The following CSMD1 variants were observed in gnomAD, a reference collection of about 807,000 sequenced individuals.
CSMD1 encodes the protein CUB and sushi domain-containing protein 1.
CSMD1 carries 213 observed loss-of-function variants against 417.5 expected under a neutral mutation model. That is an observed-to-expected ratio of 0.51 (90% CI 0.46 to 0.57). CSMD1 has a LOEUF of 0.57. Ranked by LOEUF, CSMD1 falls within the 20% of genes least tolerant of loss-of-function variation. The probability of loss-of-function intolerance (pLI) is 0.00; values close to 1 mark genes in which losing one functional copy is unlikely to be tolerated. For missense variants in CSMD1, 6,923 were observed against 4,529.7 expected, an observed-to-expected ratio of 1.53 and a Z score of -15.17; for synonymous variants, 2,862 against 1,736.8, an observed-to-expected ratio of 1.65 and a Z score of -16.11.
chr8:3,864,099 T>G (rs551407655), intron 5 of CSMD1, among the ~76,000 whole-genome samples: 2 of 152,246 alleles, frequency 1.3e-5, no homozygotes, highest in Admixed American at 6.5e-5. Context: ...TATTTTCACC[T>G]GATTTTTAAA....
chr8:3,315,456 G>A (rs62504446), intron 23 of CSMD1, among the ~76,000 whole-genome samples: 1 of 143,306 alleles, frequency 7.0e-6, no homozygotes, highest in East Asian at 1.9e-4. Flanking sequence ...GTGTGTGTGT[G>A]TGTGTGATTT....
At position 3,508,349 on chromosome 8, in the gene CSMD1, G is replaced by A. The variant is rs1205837602; in HGVS notation, c.1345-14623C>T. ...AGGAAGGGGAACATCACACACGGGG[G>A]CCTGTTATGGGGCAGGGGGAGGGGG... On this transcript the variant is annotated intron_variant, in intron 10 of 69. Transcript: ENST00000635120. Among the ~76,000 whole-genome samples, 12 of 149,288 alleles carry A rather than the reference G, an allele frequency of 8.0e-5. No homozygotes were observed. In the Middle Eastern group the frequency reaches 0.01, roughly 128 times the overall value.
At position 4,719,633 on chromosome 8, in the gene CSMD1, C is replaced by T. The variant is rs1467116398; in HGVS notation, c.86-82075G>A. Among the ~76,000 whole-genome samples the T allele has an allele frequency of 4.0e-5, 6 of 151,856 alleles. No individual in the cohort carries two copies. In the East Asian group the frequency reaches 1.2e-3, roughly 29 times the overall value. Reference sequence around the variant, plus strand: ...GTCAATAAAAACTTGAATCCTTTTCCTATTTTGTTCAAAAGCTAAATTTCC... The same window carrying T: ...GTCAATAAAAACTTGAATCCTTTTCTTATTTTGTTCAAAAGCTAAATTTCC... On this transcript the variant is annotated intron_variant, in intron 1 of 69. Coordinates refer to ENST00000635120, the MANE Select transcript of CSMD1 (RefSeq NM_033225.6).
At chr8:3,239,316 G>C (rs777347711) in intron 26 of CSMD1, among the ~76,000 whole-genome samples, 1 of 152,138 alleles carries the variant, frequency 6.6e-6, no homozygotes, top group African/African-American at 2.4e-5. Context: ...GAGGTGGGAA[G>C]GCCAAACCGA....
chr8:4,146,281 C>T (rs950872970), intron 3 of CSMD1, among the ~76,000 whole-genome samples: 15 of 150,972 alleles, frequency 9.9e-5, no homozygotes, highest in Admixed American at 4.6e-4. Context: ...TCGCGTAGTG[C>T]AGTCGGCACA....
chr8:3,971,667 G>T (rs1036259873), intron 5 of CSMD1, among the ~76,000 whole-genome samples: 10 of 152,104 alleles, frequency 6.6e-5, no homozygotes, highest in Non-Finnish European at 1.5e-4. Flanking sequence ...TGTGGAACAT[G>T]GGGGTACTCA....
At chr8:3,358,109 A>T (rs1808916652) in intron 21 of CSMD1, among the ~76,000 whole-genome samples, 1 of 152,178 alleles carries the variant, frequency 6.6e-6, no homozygotes, top group Non-Finnish European at 1.5e-5. Flanking sequence ...TAAACAAGTT[A>T]TGCTAAGTGA....
chr8:3,776,805 G>GATATATATATATATATATAT lies in CSMD1; in HGVS notation c.819-22764_819-22763insATATATATATATATATATAT, dbSNP rs1411200186. Among the ~76,000 whole-genome samples, 954 of 96,534 alleles carry GATATATATATATATATATAT rather than the reference G, an allele frequency of 9.9e-3. 27 individuals are homozygous for GATATATATATATATATATAT. The highest frequency in any genetic ancestry group is 0.045 in the African/African-American group (895 of 20,096). The allele number at this position is 96,534 out of a possible 152,430, so 63.3% of individuals were successfully genotyped here. On this transcript the variant is annotated intron_variant, in intron 5 of 69. Transcript: ENST00000635120. The stretch of plus-strand genomic sequence containing the variant: ...CAGTGATAGATAGTGACATATAGAC[G>GATATATATATATATATATAT]AGATATATATATATATATACAGATG...
intron 6 of CSMD1, among the ~76,000 whole-genome samples, chr8:3,740,565 G>C (rs530735235): frequency 6.6e-6 from 1 of 152,276 alleles, no homozygotes; most frequent in African/African-American, 2.4e-5. Flanking sequence ...CACAGGGAAA[G>C]TTATATGGCA....
intron 3 of CSMD1, among the ~76,000 whole-genome samples, chr8:4,292,259 T>A (rs1308607587): frequency 1.3e-5 from 2 of 151,820 alleles, no homozygotes; most frequent in Admixed American, 1.3e-4. Context: ...TGTTGTTGTT[T>A]AGTTTTGTTT....
intron 1 of CSMD1, among the ~76,000 whole-genome samples, chr8:4,830,964 T>G (rs1800115477): frequency 6.6e-6 from 1 of 152,130 alleles, no homozygotes; most frequent in Non-Finnish European, 1.5e-5. Context: ...AAGAAAAAGG[T>G]AGCTAATCAA....
Position 3,408,166 on chromosome 8 carries a change from C to T in CSMD1, c.1804G>A (p.Glu602Lys). The change falls in exon 14 of 70, where the codon GAG becomes AAG. Residue 602 changes from glutamate to lysine, a missense_variant. Coordinates refer to ENST00000635120, the MANE Select transcript of CSMD1 (RefSeq NM_033225.6). ...SGIILSPNYP[E>K]EYGNNMNCVW... ...CAGTTCATGTTGTTCCCATATTCCT[C>T]TGGATAATTTGGTGACAGAATAATC... is the stretch of plus-strand genomic sequence containing the variant. 1 of 1,612,926 alleles carries T rather than the reference C, an allele frequency of 6.2e-7. No individual in the cohort carries two copies. The highest frequency in any genetic ancestry group is 1.3e-5 in the African/African-American group (1 of 75,002).
Position 4,183,629 on chromosome 8 carries a change from G to C in CSMD1, c.416-151530C>G, listed in dbSNP as rs534417999. ...TTTTTTAAAATGATTCTGTCAAATT[G>C]ATAAGCACAATTTTAAGTTTCCTTA... On this transcript the variant is annotated intron_variant, in intron 3 of 69. Transcript: ENST00000635120. 2.0e-4 allele frequency among the ~76,000 whole-genome samples: 31 copies of C among 152,234 alleles called. 1 individual carries two copies. Among genetic ancestry groups the C allele is most frequent in the South Asian group, 4.1e-4 (2 of 4,830 alleles).
chr8:3,108,736 A>T lies in CSMD1; in HGVS notation c.6621T>A (p.Asp2207Glu), dbSNP rs763782635. ...NDYIAVWDGP[D>E]QNSPQLGVFS... ...AAACTCCCAGCTGGGGTGAGTTCTG[A>T]TCGGGACCGTCCCTAGGAAAGACAG... Residue 2207 changes from aspartate to glutamate, a missense_variant, in exon 44 of 70, where the codon GAT (aspartate) becomes GAA (glutamate). Coordinates refer to ENST00000635120, the MANE Select transcript of CSMD1 (RefSeq NM_033225.6). 10 of 1,612,990 alleles carry T rather than the reference A, an allele frequency of 6.2e-6. No individual in the cohort carries two copies. The Middle Eastern group carries it at 4.9e-4, about 80-fold the overall frequency.
intron 47 of CSMD1, among the ~76,000 whole-genome samples, chr8:3,094,109 A>AT (rs1815139207): frequency 6.7e-6 from 1 of 149,076 alleles, no homozygotes; most frequent in Admixed American, 6.6e-5. Flanking sequence ...TTTATTTTTT[A>AT]TTTTTTTATT....
In CSMD1 at chr8:4,310,138, T is replaced by A. The variant is rs998285380; in HGVS notation, c.415+109815A>T. On this transcript the variant is annotated intron_variant, in intron 3 of 69. Transcript: ENST00000635120. ...CCCATTCATCCCTGCTCCTAGTAAC[T>A]GCTTCACGTTTCTAACACCCAGGTA... Among the ~76,000 whole-genome samples, 3 of 152,168 alleles carry A rather than the reference T, an allele frequency of 2.0e-5. No individual in the cohort carries two copies. The South Asian group carries it at 6.2e-4, about 31-fold the overall frequency.
chr8:3,321,479 A>C (rs1310129750), intron 23 of CSMD1, among the ~76,000 whole-genome samples: 8 of 152,144 alleles, frequency 5.3e-5, no homozygotes, highest in Admixed American at 5.2e-4. Context: ...ACAAGTAGGC[A>C]ATGACAGGTG....
At position 4,699,737 on chromosome 8, in the gene CSMD1, G is replaced by T. The variant is rs149831420; in HGVS notation, c.86-62179C>A. On this transcript the variant is annotated intron_variant, in intron 1 of 69. Coordinates refer to ENST00000635120, the MANE Select transcript of CSMD1 (RefSeq NM_033225.6). ...TTTATGAGGTGTTAATTTCTACTGT[G>T]ATTCATGGAAAGCAGTGTTTCATGG... Among the ~76,000 whole-genome samples the T allele has an allele frequency of 3.5e-3, 536 of 152,302 alleles. 1 individual carries two copies. The highest frequency in any genetic ancestry group is 5.0e-3 in the Non-Finnish European group (342 of 68,038).
In CSMD1 at chr8:3,519,407, G is replaced by C. The variant is rs193020219; in HGVS notation, c.1345-25681C>G. Reference sequence around the variant, plus strand: ...TTATGCATATCAATTCACTAGTCTGGTAATTGCATGCTGGTTCATGTAAAA... The same window carrying C: ...TTATGCATATCAATTCACTAGTCTGCTAATTGCATGCTGGTTCATGTAAAA... On this transcript the variant is annotated intron_variant, in intron 10 of 69. Coordinates refer to ENST00000635120, the MANE Select transcript of CSMD1 (RefSeq NM_033225.6). 3.1e-4 allele frequency among the ~76,000 whole-genome samples: 47 copies of C among 152,264 alleles called. 1 individual carries two copies. Among genetic ancestry groups the C allele is most frequent in the East Asian group, 2.1e-3 (11 of 5,184 alleles).
Sources: allele counts gnomAD v4.1 joint callset (sites outside exome capture counted in the v4.1 genomes callset), GRCh38; gene constraint gnomAD v4.1.1; transcripts MANE v1.5; gene names NCBI Gene and HGNC (gene_info 2026-07-23, HGNC 2026-07-21).